Variants in COBLL1 observed in about 807,000 individuals in gnomAD.
The protein encoded by COBLL1 is cordon-bleu WH2 repeat protein like 1, also known as cordon-bleu protein-like 1.
Under a neutral mutation model 94.8 loss-of-function variants are expected in COBLL1, and 50 were observed. The ratio of observed to expected loss-of-function variants is 0.53; its 90% CI spans 0.42 to 0.67. The LOEUF is 0.67. Ranked by LOEUF, COBLL1 falls within the 30% of genes least tolerant of loss-of-function variation. The pLI is 0.00. For synonymous variants in COBLL1, 448 were observed against 473.8 expected, an observed-to-expected ratio of 0.95 and a Z score of 0.71; for missense variants, 1,362 against 1,348.7, an observed-to-expected ratio of 1.01 and a Z score of -0.15.
rs944684273 is a variant in COBLL1 at position 164,779,660 on chromosome 2, G to C, written c.42-35785C>G. On this transcript the variant is annotated intron_variant, in intron 2 of 13. Coordinates refer to ENST00000652658, the MANE Select transcript of COBLL1 (RefSeq NM_001365672.2). ...GGCCCAGGCAGGACGGTCACCTTAC[G>C]GCAGGGATATTCTCTCTGAGTCTCT... 6.4e-6 allele frequency: 3 copies of C among 470,706 alleles called. No individual in the cohort carries two copies. The Admixed American group carries it at 7.1e-5, about 11-fold the overall frequency. The allele number at this position is 470,706 out of a possible 1,614,324, so 29.2% of individuals were successfully genotyped here. A position where few individuals can be genotyped will look rare whatever the true frequency, so the allele number is the denominator to read the frequency against.
At chr2:164,708,758 T>C (rs1443820303) in intron 7 of COBLL1, among the ~76,000 whole-genome samples, 1 of 152,234 alleles carries the variant, frequency 6.6e-6, no homozygotes, top group Non-Finnish European at 1.5e-5. Flanking sequence ...CAACAGGTGA[T>C]CAATAAGTGG....
chr2:164,664,069 A>C (rs963378905), intron 2 of COBLL1, among the ~76,000 whole-genome samples: 1 of 152,270 alleles, frequency 6.6e-6, no homozygotes, highest in Non-Finnish European at 1.5e-5. Context: ...AAGAGGCTTC[A>C]CAGATGAAGT....
chr2:164,757,563 A>G (rs1687474428), intron 2 of COBLL1, among the ~76,000 whole-genome samples: 2 of 150,074 alleles, frequency 1.3e-5, no homozygotes, highest in South Asian at 4.2e-4. Flanking sequence ...ACATATATAC[A>G]CACACACCTC....
chr2:164,803,358 G>A (rs1683912168), intron 2 of COBLL1, among the ~76,000 whole-genome samples: 1 of 151,866 alleles, frequency 6.6e-6, no homozygotes, highest in East Asian at 1.9e-4. Context: ...GAGGTCAGGA[G>A]ATCGAGACCA....
rs1238023743 is a variant in COBLL1, at chr2:164,743,701, A to G, written c.216T>C (p.Thr72=). Reference sequence around the variant, plus strand: ...CTCCAGCGTACCTGCCATGAACAGTAGTAGATTTGATAATATCCCCAGGTA... The same window carrying G: ...CTCCAGCGTACCTGCCATGAACAGTGGTAGATTTGATAATATCCCCAGGTA... ...VVLPGDIIKS[T]TVHGSKPMMD... is the part of the protein sequence containing the mutation. The change falls in exon 3 of 14, where the codon ACT becomes ACC. Residue 72 remains threonine (T), a synonymous_variant. Transcript: ENST00000652658. The G allele has an allele frequency of 1.9e-6, 3 of 1,612,928 alleles. No individual in the cohort carries two copies. The African/African-American group carries it at 4.0e-5, about 22-fold the overall frequency.
chr2:164,678,128 C>A (rs954784487), downstream of COBLL1, among the ~76,000 whole-genome samples: 3 of 152,026 alleles, frequency 2.0e-5, no homozygotes, highest in Non-Finnish European at 4.4e-5. Flanking sequence ...CAGAGAAGAG[C>A]AAAGAGCAAG....
At chr2:164,703,035 A>G in intron 9 of COBLL1, 1 of 872,240 alleles carries the variant, frequency 1.1e-6, no homozygotes, top group South Asian at 1.5e-5. Context: ...TAGCTCATCA[A>G]ATTTACAGTC....
intron 2 of COBLL1, among the ~76,000 whole-genome samples, chr2:164,827,122 T>C (rs1685472951): frequency 6.6e-6 from 1 of 152,114 alleles, no homozygotes; most frequent in Non-Finnish European, 1.5e-5. Context: ...GGTTATTTTG[T>C]ATTTTTAGTA....
intron 2 of COBLL1, among the ~76,000 whole-genome samples, chr2:164,800,919 C>T (rs1683744059): frequency 6.6e-6 from 1 of 152,122 alleles, no homozygotes; most frequent in African/African-American, 2.4e-5. Flanking sequence ...TATAAAGTAA[C>T]AGCAAAAGGG....
intron 2 of COBLL1, among the ~76,000 whole-genome samples, chr2:164,794,610 T>C (rs1054472356): frequency 6.6e-6 from 1 of 152,096 alleles, no homozygotes; most frequent in Admixed American, 6.5e-5. Context: ...ACCTAGCAAA[T>C]TTTATTCCAC....
chr2:164,740,854 A>G (rs1397356070), intron 3 of COBLL1, among the ~76,000 whole-genome samples: 1 of 152,150 alleles, frequency 6.6e-6, no homozygotes, highest in Non-Finnish European at 1.5e-5. Flanking sequence ...TATATAAACT[A>G]ACTGGAGAAA....
At chr2:164,700,341 T>C (rs1252028185) in intron 10 of COBLL1, among the ~76,000 whole-genome samples, 181 bp downstream of exon 10, 1 of 152,184 alleles carries the variant, frequency 6.6e-6, no homozygotes, top group Non-Finnish European at 1.5e-5. Flanking sequence ...TGATTTTCTT[T>C]GAATGTAATT....
At position 164,768,391 on chromosome 2, in the gene COBLL1, G is replaced by A. The variant is rs549092823; in HGVS notation, c.42-24516C>T. On this transcript the variant is annotated intron_variant, in intron 2 of 13. Transcript: ENST00000652658. ...TTTGAATGTGGCCCAACACAAATTC[G>A]TAAACTTTCTTAAAACATTATGAGA... Among the ~76,000 whole-genome samples the A allele has an allele frequency of 3.2e-4, 49 of 151,400 alleles. No individual in the cohort carries two copies. The East Asian group carries it at 8.5e-3, about 26-fold the overall frequency.
At chr2:164,828,194 C>G (rs1384641228) in intron 2 of COBLL1, among the ~76,000 whole-genome samples, 1 of 152,198 alleles carries the variant, frequency 6.6e-6, no homozygotes, top group Non-Finnish European at 1.5e-5. Context: ...CCAACACTGA[C>G]TTTTTGCTTG....
chr2:164,806,734 C>CT (rs1684175248), intron 2 of COBLL1, among the ~76,000 whole-genome samples: 1 of 152,172 alleles, frequency 6.6e-6, no homozygotes, highest in Admixed American at 6.5e-5. Context: ...GGGTCCCACT[C>CT]TGTCACCCAA....
chr2:164,715,826 T>G (rs1428729215), intron 7 of COBLL1, among the ~76,000 whole-genome samples: 2 of 152,038 alleles, frequency 1.3e-5, no homozygotes, highest in Admixed American at 6.6e-5. Flanking sequence ...TGAAGATCAT[T>G]TCTTACAGTG....
chr2:164,761,362 C>T (rs540270933), intron 2 of COBLL1: 4 of 151,768 alleles, frequency 2.6e-5, no homozygotes, highest in African/African-American at 9.7e-5. Context: ...GAGCCAAGCT[C>T]GCATCATTGC....
intron 2 of COBLL1, among the ~76,000 whole-genome samples, chr2:164,746,761 T>A (rs1038773485): frequency 6.6e-6 from 1 of 151,940 alleles, no homozygotes; most frequent in Non-Finnish European, 1.5e-5. Flanking sequence ...GCCTCTCCAG[T>A]CCCCTATCTA....
At chr2:164,668,748 T>C (rs1691203853) in intron 1 of COBLL1, among the ~76,000 whole-genome samples, 1 of 152,232 alleles carries the variant, frequency 6.6e-6, no homozygotes, top group African/African-American at 2.4e-5. Flanking sequence ...TGATTATAAT[T>C]ATTTGAAGGA....
Sources: gnomAD v4.1 joint callset for allele counts (sites outside exome capture counted in the v4.1 genomes callset) on GRCh38, gnomAD v4.1.1 for gene constraint, MANE v1.5 for transcripts, NCBI Gene and HGNC (gene_info 2026-07-23, HGNC 2026-07-21) for gene names.